SLC6A11: variants seen among roughly 807,000 people sequenced by gnomAD.
SLC6A11 encodes sodium- and chloride-dependent GABA transporter 3.
A neutral mutation model predicts 74.8 loss-of-function variants in SLC6A11; 25 were observed. The observed-to-expected ratio is 0.33, with a 90% CI of 0.24 to 0.47. SLC6A11 has a LOEUF of 0.47. SLC6A11 is among the 20% of genes least tolerant of loss of function. The pLI, the probability that SLC6A11 is intolerant of heterozygous loss-of-function variation, is 1.00. For synonymous variants in SLC6A11, 330 were observed against 330.2 expected (o/e 1.00, Z 0.01); for missense variants, 574 against 837.0 (o/e 0.69, Z 3.88).
chr3:10,856,787 C>T (rs1264413271), intron 5 of SLC6A11, among the ~76,000 whole-genome samples: 1 of 152,182 alleles, frequency 6.6e-6, no homozygotes, highest in East Asian at 1.9e-4. Flanking sequence ...GGCTCCACCA[C>T]CTCTGGAACC....
At chr3:10,844,068 C>T in intron 4 of SLC6A11, 146 bp from the exon 5 acceptor site, 2 of 890,784 alleles carry the variant, frequency 2.2e-6, no homozygotes, top group Non-Finnish European at 3.4e-6. Context: ...TCTTGGAGGC[C>T]CCAAGTCCTC....
intron 4 of SLC6A11, among the ~76,000 whole-genome samples, chr3:10,837,734 T>A (rs976527719): frequency 3.9e-5 from 6 of 152,162 alleles, no homozygotes; most frequent in Admixed American, 1.3e-4. Flanking sequence ...GTGGACTGAA[T>A]GAGTGTGTGA....
At position 10,816,494 on chromosome 3, in the gene SLC6A11, C is replaced by T; in HGVS notation, c.229C>T (p.Pro77Ser). 6.2e-7 allele frequency: 1 copy of T among 1,603,914 alleles called. No individual in the cohort carries two copies. The highest frequency in any genetic ancestry group is 8.5e-7 in the Non-Finnish European group (1 of 1,175,584). The change falls in exon 1 of 14, where the codon CCC becomes TCC. Residue 77 changes from proline (P) to serine (S), a missense_variant. Coordinates refer to ENST00000254488, the MANE Select transcript of SLC6A11 (RefSeq NM_014229.3). The surrounding 1 kb of genome is among the most constrained non-coding windows in gnomAD (Gnocchi z 4.2). ...TGGGCTGGGCAACGTGTGGCGCTTC[C>T]CCTACCTGTGCTACAAGAACGGAGG... ...IIGLGNVWRF[P>S]YLCYKNGGGA... is the part of the protein sequence containing the mutation.
At chr3:10,929,151 C>T (rs1695649273) in intron 9 of SLC6A11, 51 bp from the exon 10 acceptor site, 2 of 1,599,398 alleles carry the variant, frequency 1.3e-6, no homozygotes, top group South Asian at 2.3e-5. Context: ...GCCTGGGCCA[C>T]CAGGAGCAGC....
At chr3:10,934,431 A>G (rs1040775558) in intron 12 of SLC6A11, among the ~76,000 whole-genome samples, 1 of 152,142 alleles carries the variant, frequency 6.6e-6, no homozygotes, top group African/African-American at 2.4e-5. Flanking sequence ...GCATACGCAA[A>G]TCGGGCGCTG....
intron 5 of SLC6A11, among the ~76,000 whole-genome samples, chr3:10,847,695 C>T (rs141203116): frequency 4.6e-5 from 7 of 152,242 alleles, no homozygotes; most frequent in East Asian, 3.9e-4. Flanking sequence ...GGGGCACATC[C>T]GGCAGTTTAG....
At chr3:10,927,339 G>A (rs1695622525) in intron 9 of SLC6A11, among the ~76,000 whole-genome samples, 1 of 152,182 alleles carries the variant, frequency 6.6e-6, no homozygotes, top group Non-Finnish European at 1.5e-5. Flanking sequence ...ACCAGCAGTT[G>A]GGCCTGGGGG....
chr3:10,824,524 C>T (rs1308994399), intron 4 of SLC6A11: 1 of 152,094 alleles, frequency 6.6e-6, no homozygotes, highest in African/African-American at 2.4e-5. Flanking sequence ...TATATATATG[C>T]CCCAAATAGC....
intron 6 of SLC6A11, among the ~76,000 whole-genome samples, chr3:10,881,756 C>A (rs1275399119): frequency 6.6e-6 from 1 of 152,156 alleles, no homozygotes; most frequent in Non-Finnish European, 1.5e-5. Context: ...CCTTCCCACC[C>A]CAGAGGATAC....
At chr3:10,937,203 A>G (rs933069098) in intron 13 of SLC6A11, among the ~76,000 whole-genome samples, 4 of 152,156 alleles carry the variant, frequency 2.6e-5, no homozygotes, top group Admixed American at 6.5e-5. Flanking sequence ...TACCGTTATT[A>G]TCCCCCTTTA....
intron 4 of SLC6A11, among the ~76,000 whole-genome samples, chr3:10,830,087 A>C (rs1357614334): frequency 6.6e-6 from 1 of 152,170 alleles, no homozygotes; most frequent in Non-Finnish European, 1.5e-5. Context: ...GAGTTTTTGA[A>C]TTACGAGGTA....
chr3:10,818,072 T>C (rs59830661), intron 1 of SLC6A11, among the ~76,000 whole-genome samples: 2,010 of 118,926 alleles, frequency 0.017, 27 homozygotes, highest in African/African-American at 0.063. Context: ...TCACAGATTT[T>C]TTTTTTTTTT....
rs530691973 is a variant in SLC6A11 at position 10,887,732 on chromosome 3, C to T, written c.891+12637C>T. On this transcript the variant is annotated intron_variant, in intron 6 of 13. Transcript: ENST00000254488. Reference sequence around the variant, plus strand: ...TGCTGGGATTACAGGTGTGAGCTACCGTGCCCTGCTGAAACAGACAGTCTT... The same window carrying T: ...TGCTGGGATTACAGGTGTGAGCTACTGTGCCCTGCTGAAACAGACAGTCTT... Among the ~76,000 whole-genome samples the T allele has an allele frequency of 5.9e-5, 9 of 152,280 alleles. No individual in the cohort carries two copies. In the East Asian group the frequency reaches 1.5e-3, roughly 26 times the overall value.
intron 5 of SLC6A11, among the ~76,000 whole-genome samples, chr3:10,850,103 T>C (rs1212847470): frequency 6.6e-6 from 1 of 152,206 alleles, no homozygotes; most frequent in Non-Finnish European, 1.5e-5. Context: ...TAGACAAAAT[T>C]TGTGGACTGA....
At chr3:10,877,994 C>T (rs1694929788) in intron 6 of SLC6A11, among the ~76,000 whole-genome samples, 1 of 152,204 alleles carries the variant, frequency 6.6e-6, no homozygotes, top group African/African-American at 2.4e-5. Flanking sequence ...TAGTCCAGGC[C>T]ACCACCATCT....
intron 6 of SLC6A11, among the ~76,000 whole-genome samples, chr3:10,876,784 GA>G (rs1188533364): frequency 3.6e-3 from 284 of 78,078 alleles, no homozygotes; most frequent in African/African-American, 0.015. Context: ...GAGAGAGAGA[GA>G]AAAAAAAAAA....
chr3:10,909,016 C>T (rs114472570), intron 6 of SLC6A11, among the ~76,000 whole-genome samples: 6,893 of 151,194 alleles, frequency 0.046, 203 homozygotes, highest in Middle Eastern at 0.099. Flanking sequence ...TTGCTCTAGA[C>T]TCTGCTTTCC....
chr3:10,876,141 G>A (rs2106605773), intron 6 of SLC6A11, among the ~76,000 whole-genome samples: 1 of 152,336 alleles, frequency 6.6e-6, no homozygotes, highest in East Asian at 1.9e-4. Flanking sequence ...TGTGGGGGAA[G>A]CGTTTGTTGG....
At chr3:10,896,761 A>G (rs1485516776) in intron 6 of SLC6A11, among the ~76,000 whole-genome samples, 2 of 152,144 alleles carry the variant, frequency 1.3e-5, no homozygotes, top group Non-Finnish European at 2.9e-5. Flanking sequence ...TATAGTCTCC[A>G]TGTGCTCTAC....
Sources: gnomAD v4.1 joint callset for allele counts (sites outside exome capture counted in the v4.1 genomes callset) on GRCh38, gnomAD v4.1.1 for gene constraint, Gnocchi (gnomAD v3.1) non-coding constraint, MANE v1.5 for transcripts, NCBI Gene and HGNC (gene_info 2026-07-23, HGNC 2026-07-21) for gene names.